PTK2: variants seen among roughly 807,000 people sequenced by gnomAD.
PTK2 encodes the protein focal adhesion kinase 1.
In PTK2, 45 loss-of-function variants were observed where a neutral mutation model predicts 150.1. That is an observed-to-expected ratio of 0.30 (90% CI 0.24 to 0.38). The LOEUF (loss-of-function observed/expected upper bound fraction) is 0.38, where lower values mean the gene tolerates loss of function less well. PTK2 is among the 10% of genes least tolerant of loss of function. The pLI, the probability that PTK2 is intolerant of heterozygous loss-of-function variation, is 1.00. For synonymous variants in PTK2, 432 were observed against 449.2 expected (o/e 0.96, Z 0.48); for missense variants, 919 against 1,307.3 (o/e 0.70, Z 4.58).
chr8:140,787,373 T>C (rs922836578), intron 14 of PTK2, among the ~76,000 whole-genome samples: 1 of 152,198 alleles, frequency 6.6e-6, no homozygotes, highest in African/African-American at 2.4e-5. Context: ...TTGTAAGGAC[T>C]AAATGAGATG....
intron 1 of PTK2, among the ~76,000 whole-genome samples, chr8:140,931,928 C>CAAAAAAAAAA (rs765792463): frequency 1.8e-5 from 1 of 54,632 alleles, no homozygotes; most frequent in African/African-American, 7.2e-5. Context: ...GACCCAGTCT[C>CAAAAAAAAAA]AAAAAAAAAA....
At chr8:140,902,932 T>TTG (rs2100159185) in intron 2 of PTK2, among the ~76,000 whole-genome samples, 1 of 97,064 alleles carries the variant, frequency 1.0e-5, no homozygotes, top group African/African-American at 3.6e-5. Context: ...TTGTTTTTTT[T>TTG]TTTTTTTTTT....
intron 1 of PTK2, among the ~76,000 whole-genome samples, chr8:140,998,634 C>CGG (rs2100198713): frequency 1.3e-5 from 2 of 151,882 alleles, no homozygotes; most frequent in South Asian, 4.2e-4. Flanking sequence ...CTGGCTAACA[C>CGG]GGCGAAACCC....
At position 140,782,255 on chromosome 8, in the gene PTK2, G is replaced by T. The variant is rs1009117549; in HGVS notation, c.1177+7219C>A. Among the ~76,000 whole-genome samples, 33 of 34,638 alleles carry T rather than the reference G, an allele frequency of 9.5e-4. 1 individual carries two copies. Among genetic ancestry groups the T allele is most frequent in the East Asian group, 3.0e-3 (2 of 666 alleles). 22.7% of individuals were successfully genotyped at this position (34,638 alleles called of 152,430 possible). A position where few individuals can be genotyped will look rare whatever the true frequency, so the allele number is the denominator to read the frequency against. On this transcript the variant is annotated intron_variant, in intron 14 of 31. Transcript: ENST00000522684. The stretch of plus-strand genomic sequence containing the variant: ...TTAAAATTTGGTTGTTTTTTTTTTT[G>T]GGGGGGGGGACAGGGTCCTCTCTTT...
intron 1 of PTK2, among the ~76,000 whole-genome samples, chr8:140,964,594 C>T (rs2100184594): frequency 1.6e-5 from 2 of 124,570 alleles, no homozygotes; most frequent in Non-Finnish European, 3.2e-5. Flanking sequence ...GGGAGTCTCA[C>T]TATATTACCC....
chr8:140,705,417 C>G (rs915259734), intron 24 of PTK2, among the ~76,000 whole-genome samples: 1 of 152,124 alleles, frequency 6.6e-6, no homozygotes, highest in Non-Finnish European at 1.5e-5. Context: ...AATTCTAGAA[C>G]AGGCAGAAAC....
At chr8:140,974,360 A>G (rs758642277) in intron 1 of PTK2, among the ~76,000 whole-genome samples, 1 of 152,314 alleles carries the variant, frequency 6.6e-6, no homozygotes, top group Non-Finnish European at 1.5e-5. Flanking sequence ...TCTCATAGCC[A>G]CATGAATACT....
chr8:140,683,106 C>A lies in PTK2; in HGVS notation c.2562+3526G>T, dbSNP rs1589912836. On this transcript the variant is annotated intron_variant, in intron 27 of 31. Transcript: ENST00000522684. ...ATACATAAGAATGACTGATCACTAG[C>A]TAGACTAATTAAAAAAAGAGAGAAG... 2.6e-5 allele frequency among the ~76,000 whole-genome samples: 4 copies of A among 151,928 alleles called. No individual in the cohort carries two copies. The South Asian group carries it at 8.3e-4, about 32-fold the overall frequency.
chr8:140,837,319 A>C (rs1393003060), intron 7 of PTK2, among the ~76,000 whole-genome samples: 1 of 152,230 alleles, frequency 6.6e-6, no homozygotes, highest in Non-Finnish European at 1.5e-5. Flanking sequence ...CATGAAAAGA[A>C]AGACTGATGA....
chr8:140,887,137 C>A (rs905985005), intron 3 of PTK2, among the ~76,000 whole-genome samples: 3 of 152,166 alleles, frequency 2.0e-5, no homozygotes, highest in African/African-American at 7.2e-5. Context: ...GTAATAATAA[C>A]TGGACTGACA....
rs375074195 is a variant in PTK2 at position 140,772,009 on chromosome 8, A to G, written c.1178-7719T>C. Among the ~76,000 whole-genome samples the G allele has an allele frequency of 2.7e-4, 41 of 151,926 alleles. 2 individuals carry two copies. Among genetic ancestry groups the G allele is most frequent in the African/African-American group, 9.7e-4 (40 of 41,430 alleles). Reference sequence around the variant, plus strand: ...TCACCATGTTGGCTAGGTTGGTCTCAAATTCCTGACCTCAGGTGATCTGCG... The same window carrying G: ...TCACCATGTTGGCTAGGTTGGTCTCGAATTCCTGACCTCAGGTGATCTGCG... On this transcript the variant is annotated intron_variant, in intron 14 of 31. Coordinates refer to ENST00000522684, the Ensembl canonical transcript of PTK2.
In PTK2 at chr8:140,892,573, C is replaced by T. The variant is rs556468675; in HGVS notation, c.-32-1804G>A. ...TGTCCAGCAAAGAAAAGAGCCAACC[C>T]TCTGTTGGTATCAAACAAAGCATAA... On this transcript the variant is annotated intron_variant, in intron 2 of 31. Transcript: ENST00000522684. 4.4e-5 allele frequency: 20 copies of T among 451,684 alleles called. No homozygotes were observed. The East Asian group carries it at 1.3e-3, about 29-fold the overall frequency. 28.0% of individuals were successfully genotyped at this position (451,684 alleles called of 1,614,324 possible).
At chr8:140,924,935 A>C (rs751883075) in intron 2 of PTK2, among the ~76,000 whole-genome samples, 23 of 152,192 alleles carry the variant, frequency 1.5e-4, no homozygotes, top group Non-Finnish European at 3.4e-4. Context: ...AGTAAGCATA[A>C]GAGAGAACTC....
At chr8:140,936,863 C>CT (rs34420883) in intron 1 of PTK2, among the ~76,000 whole-genome samples, 62,543 of 150,056 alleles carry the variant, frequency 0.42, 14,698 homozygotes, top group Non-Finnish European at 0.55. Context: ...TAGAGAACAT[C>CT]TTTTTTTTTT....
intron 5 of PTK2, among the ~76,000 whole-genome samples, chr8:140,857,789 A>G (rs2100133632): frequency 6.6e-6 from 1 of 152,192 alleles, no homozygotes; most frequent in East Asian, 1.9e-4. Flanking sequence ...TCCATTTGGT[A>G]GTAACTTGTT....
chr8:140,890,383 C>A, intron 3 of PTK2, 160 bp downstream of exon 3: 1 of 600,746 alleles, frequency 1.7e-6, no homozygotes, highest in African/African-American at 1.8e-5. Flanking sequence ...TGGTCAGTCA[C>A]ATATTAACTA....
chr8:140,828,354 T>A (rs1374785812), intron 8 of PTK2, among the ~76,000 whole-genome samples: 1 of 152,074 alleles, frequency 6.6e-6, no homozygotes, highest in Non-Finnish European at 1.5e-5. Context: ...CCGAACCTCT[T>A]TGGGCACCTG....
intron 10 of PTK2, among the ~76,000 whole-genome samples, chr8:140,814,577 T>C (rs772059899): frequency 3.3e-5 from 5 of 152,134 alleles, no homozygotes; most frequent in East Asian, 1.9e-4. Context: ...TCTTGACAGA[T>C]GCAGAAAAGG....
chr8:140,844,536 G>A (rs574897151), intron 7 of PTK2, among the ~76,000 whole-genome samples: 2 of 152,112 alleles, frequency 1.3e-5, no homozygotes, highest in Non-Finnish European at 2.9e-5. Flanking sequence ...TGCTCGAATT[G>A]TTCCAGCTTT....
Sources: gnomAD v4.1 joint callset for allele counts (sites outside exome capture counted in the v4.1 genomes callset) on GRCh38, gnomAD v4.1.1 for gene constraint, MANE v1.5 for transcripts, NCBI Gene and HGNC (gene_info 2026-07-23, HGNC 2026-07-21) for gene names.